The following ASB5 variants were observed in gnomAD, a reference collection of about 807,000 sequenced individuals.
The protein encoded by ASB5 is ankyrin repeat and SOCS box containing 5, also known as ankyrin repeat and SOCS box protein 5.
Under a neutral mutation model 42.1 loss-of-function variants are expected in ASB5, and 45 were observed. The ratio of observed to expected loss-of-function variants is 1.07; its 90% confidence interval spans 0.84 to 1.37. ASB5 has a LOEUF of 1.37. ASB5 is among the 40% of genes most tolerant of loss of function. The pLI is 0.00. For synonymous variants in ASB5, 147 were observed against 150.6 expected (o/e 0.98, Z 0.18); for missense variants, 402 against 399.8 (o/e 1.01, Z -0.05).
intron 1 of ASB5, among the ~76,000 whole-genome samples, chr4:176,259,912 C>T (rs1302157213): frequency 6.6e-6 from 1 of 151,990 alleles, no homozygotes; most frequent in Non-Finnish European, 1.5e-5. Context: ...TTTTAGCTGC[C>T]CTGATAGAGA....
intron 1 of ASB5, chr4:176,241,397 C>A: frequency 7.6e-7 from 1 of 1,317,812 alleles, no homozygotes; most frequent in Non-Finnish European, 1.0e-6. Context: ...CTATTAAGGG[C>A]TCACTAAGTA....
chr4:176,236,554 T>C (rs1251170229), intron 1 of ASB5, among the ~76,000 whole-genome samples: 1 of 152,244 alleles, frequency 6.6e-6, no homozygotes, highest in Non-Finnish European at 1.5e-5. Context: ...TCTCAAACTT[T>C]GAAAGAAATT....
chr4:176,230,363 T>A (rs1265965509), intron 1 of ASB5, among the ~76,000 whole-genome samples: 1 of 152,216 alleles, frequency 6.6e-6, no homozygotes, highest in Non-Finnish European at 1.5e-5. Context: ...GAGTGATTTA[T>A]AAATATATAT....
At chr4:176,251,902 C>CA (rs956142690) in intron 1 of ASB5, among the ~76,000 whole-genome samples, 3 of 151,000 alleles carry the variant, frequency 2.0e-5, no homozygotes, top group African/African-American at 4.9e-5. Flanking sequence ...CCCATCTCCA[C>CA]AAAAAATACA....
At chr4:176,225,533 A>C (rs1299749373) in intron 1 of ASB5, among the ~76,000 whole-genome samples, 192 bp from the exon 2 acceptor site, 1 of 152,154 alleles carries the variant, frequency 6.6e-6, no homozygotes, top group African/African-American at 2.4e-5. Context: ...AGTTCCCAAC[A>C]TGAGCCATGA....
intron 1 of ASB5, among the ~76,000 whole-genome samples, chr4:176,245,652 G>T (rs1753896433): frequency 6.6e-6 from 1 of 152,098 alleles, no homozygotes; most frequent in African/African-American, 2.4e-5. Flanking sequence ...CAACCCAAAT[G>T]TCCATCAATG....
intron 3 of ASB5, 25 bp from the exon 4 acceptor site, chr4:176,221,625 C>A (rs10032098): frequency 0.89 from 1,397,754 of 1,570,818 alleles, 623,944 homozygotes; most frequent in Non-Finnish European, 0.9. Context: ...AATATCCAAA[C>A]ATAAGATTCA....
intron 5 of ASB5, among the ~76,000 whole-genome samples, chr4:176,220,450 A>T (rs763274024): frequency 5.3e-5 from 8 of 152,210 alleles, no homozygotes; most frequent in African/African-American, 9.6e-5. Flanking sequence ...TATTCTAAAC[A>T]TCTATCAGAT....
At chr4:176,263,218 AGT>A (rs1473647934) in intron 1 of ASB5, among the ~76,000 whole-genome samples, 1 of 152,106 alleles carries the variant, frequency 6.6e-6, no homozygotes, top group Non-Finnish European at 1.5e-5. Context: ...TTTAGTCATG[AGT>A]GGAAACAGCC....
At chr4:176,237,133 C>T (rs970927598) in intron 1 of ASB5, among the ~76,000 whole-genome samples, 8 of 152,160 alleles carry the variant, frequency 5.3e-5, no homozygotes, top group Admixed American at 5.2e-4. Flanking sequence ...TTTCCATACA[C>T]GAAAAGGCAA....
intron 5 of ASB5, among the ~76,000 whole-genome samples, chr4:176,220,482 G>A (rs530126509): frequency 3.3e-5 from 5 of 152,172 alleles, no homozygotes; most frequent in South Asian, 4.2e-4. Context: ...AGAGAGGAAC[G>A]ACGCTAAAGA....
upstream of ASB5, among the ~76,000 whole-genome samples, chr4:176,273,753 G>A (rs769147196): frequency 2.6e-4 from 40 of 152,258 alleles, no homozygotes; most frequent in Non-Finnish European, 4.1e-4. Context: ...AGCTCTATTC[G>A]TATATATATG....
At chr4:176,220,744 C>T (rs968933675) in intron 5 of ASB5, among the ~76,000 whole-genome samples, 11 of 152,132 alleles carry the variant, frequency 7.2e-5, no homozygotes, top group Non-Finnish European at 1.2e-4. Context: ...TAGCAGAAGA[C>T]GAGGTTGTCC....
rs6827525 is a variant in ASB5 at position 176,216,837 on chromosome 4, C to T, written c.843G>A (p.Arg281=). The T allele has an allele frequency of 0.48, 762,367 of 1,595,470 alleles. 183,403 individuals carry two copies. Among genetic ancestry groups the T allele is most frequent in the East Asian group, 0.59 (26,394 of 44,568 alleles). The part of the protein sequence containing the change: ...DVATSSSMVE[R]ILLQHEATPS... ...TCTTACCTTCATGTTGAAGCAATAT[C>T]CTTTCCACCATACTGCTAGACGTAG... The change falls in exon 6 of 7, where the codon AGG becomes AGA. Residue 281 remains arginine (R), a synonymous_variant. Transcript: ENST00000296525.
chr4:176,241,530 C>T, intron 1 of ASB5: 2 of 1,532,002 alleles, frequency 1.3e-6, no homozygotes, highest in Non-Finnish European at 1.7e-6. Context: ...TTCTCAGAGG[C>T]TGTGCTGCTT....
intron 1 of ASB5, among the ~76,000 whole-genome samples, chr4:176,229,273 T>C (rs1174921708): frequency 6.6e-6 from 1 of 152,194 alleles, no homozygotes; most frequent in African/African-American, 2.4e-5. Context: ...CAGATGTTGT[T>C]GGGAATGTAA....
At chr4:176,263,443 C>CA (rs1754300666) in intron 1 of ASB5, among the ~76,000 whole-genome samples, 1 of 151,700 alleles carries the variant, frequency 6.6e-6, no homozygotes, top group Admixed American at 6.6e-5. Flanking sequence ...GTTTCTTCCA[C>CA]AAAAGTGTTT....
chr4:176,256,106 A>G (rs1006925294), intron 1 of ASB5, among the ~76,000 whole-genome samples: 1 of 152,156 alleles, frequency 6.6e-6, no homozygotes, highest in African/African-American at 2.4e-5. Context: ...AGTTCACCAT[A>G]AGATATTCCA....
intron 5 of ASB5, among the ~76,000 whole-genome samples, chr4:176,218,439 A>AAT (rs1345453393): frequency 3.9e-4 from 30 of 76,498 alleles, no homozygotes; most frequent in East Asian, 7.1e-4. Context: ...ATGATATATA[A>AAT]ATATATATAT....
Sources: allele counts gnomAD v4.1 joint callset (sites outside exome capture counted in the v4.1 genomes callset), GRCh38; gene constraint gnomAD v4.1.1; transcripts MANE v1.5; gene names NCBI Gene and HGNC (gene_info 2026-07-23, HGNC 2026-07-21).